Variants in DIP2C observed in about 807,000 individuals in gnomAD.
The protein encoded by DIP2C is DIP2 acetate--CoA ligase C (putative).
Under a neutral mutation model 192.4 loss-of-function variants are expected in DIP2C, and 33 were observed. The ratio of observed to expected loss-of-function variants is 0.17; its 90% CI spans 0.13 to 0.23. The LOEUF (loss-of-function observed/expected upper bound fraction) is 0.23. Ranked by LOEUF, DIP2C falls within the 10% of genes least tolerant of loss-of-function variation. The pLI is 1.00. For missense variants in DIP2C, 1,537 were observed against 2,110.1 expected, an observed-to-expected ratio of 0.73 and a Z score of 5.32; for synonymous variants, 979 against 864.1, an observed-to-expected ratio of 1.13 and a Z score of -2.33.
intron 1 of DIP2C, chr10:650,189 G>GT: frequency 1.4e-6 from 1 of 717,474 alleles, no homozygotes; most frequent in South Asian, 1.5e-5. Context: ...GTCCTGCGGG[G>GT]TGGGTGGTGC....
Position 419,085 on chromosome 10 carries a change from T to G in DIP2C, c.719A>C (p.Glu240Ala). Residue 240 changes from glutamate to alanine, a missense_variant, in exon 6 of 37, where the codon GAG becomes GCG. Coordinates refer to ENST00000280886, the MANE Select transcript of DIP2C (RefSeq NM_014974.3). ...CGTACCATCCCCGGTCTCCATGAGC[T>G]CGGCGTTGCCGTACTTGGGCGCTGT... ...SRTAPKYGNA[E>A]LMETGDGVPV... 6.2e-7 allele frequency: 1 copy of G among 1,614,260 alleles called. No individual in the cohort carries two copies. Among genetic ancestry groups the G allele is most frequent in the Non-Finnish European group, 8.5e-7 (1 of 1,180,050 alleles).
chr10:680,139 G>A (rs1011209289), intron 1 of DIP2C, among the ~76,000 whole-genome samples: 1 of 152,192 alleles, frequency 6.6e-6, no homozygotes, highest in African/African-American at 2.4e-5. Context: ...AGGCACAGAA[G>A]TGCAGCCCAG....
intron 1 of DIP2C, among the ~76,000 whole-genome samples, chr10:552,334 T>C (rs960855268): frequency 1.3e-5 from 2 of 152,222 alleles, no homozygotes; most frequent in Admixed American, 1.3e-4. Context: ...CAGATCGGTC[T>C]ATTTCAGGAA....
At chr10:657,110 C>CCTGCCCCT (rs1564313591) in intron 1 of DIP2C, among the ~76,000 whole-genome samples, 2 of 150,574 alleles carry the variant, frequency 1.3e-5, no homozygotes, top group East Asian at 2.0e-4. Context: ...GACCTGCCCC[C>CCTGCCCCT]GGACCTGCCG....
chr10:342,404 C>T (rs145574710), intron 28 of DIP2C, among the ~76,000 whole-genome samples: 2,134 of 152,270 alleles, frequency 0.014, 53 homozygotes, highest in African/African-American at 0.048. Flanking sequence ...GTGATCCACC[C>T]GCCTCGGCCT....
At chr10:549,279 A>T (rs1330030180) in intron 1 of DIP2C, among the ~76,000 whole-genome samples, 1 of 152,082 alleles carries the variant, frequency 6.6e-6, no homozygotes, top group African/African-American at 2.4e-5. Context: ...ACACCCAGGA[A>T]ATTTAAACCC....
rs537175652 is a variant in DIP2C at position 488,984 on chromosome 10, C to T, written c.86-2454G>A. Among the ~76,000 whole-genome samples the T allele has an allele frequency of 2.6e-5, 4 of 152,206 alleles. No homozygotes were observed. In the South Asian group the frequency reaches 8.3e-4, roughly 32 times the overall value. On this transcript the variant is annotated intron_variant, in intron 1 of 36. Transcript: ENST00000280886. ...AGTGCGCTGAAGACCTGGGCAGACG[C>T]GGGGTGATCATTTACCTGTTCAGTT...
At chr10:572,018 T>TA (rs530064257) in intron 1 of DIP2C, among the ~76,000 whole-genome samples, 349 of 152,300 alleles carry the variant, frequency 2.3e-3, no homozygotes, top group Middle Eastern at 6.8e-3. Context: ...AACATTATAA[T>TA]AAAAAATCAC....
At chr10:396,378 C>G (rs1202500730) in intron 10 of DIP2C, among the ~76,000 whole-genome samples, 1 of 152,146 alleles carries the variant, frequency 6.6e-6, no homozygotes, top group Admixed American at 6.5e-5. Context: ...TCATTTTCCT[C>G]TACAAACCAG....
At chr10:618,408 G>A (rs924852358) in intron 1 of DIP2C, among the ~76,000 whole-genome samples, 1 of 152,178 alleles carries the variant, frequency 6.6e-6, no homozygotes, top group Non-Finnish European at 1.5e-5. Context: ...TGAGCCGGAC[G>A]CCCGCAGGCC....
intron 1 of DIP2C, among the ~76,000 whole-genome samples, chr10:589,003 C>A (rs1361508738): frequency 6.6e-6 from 1 of 152,206 alleles, no homozygotes; most frequent in Non-Finnish European, 1.5e-5. Flanking sequence ...CCACCTGGTG[C>A]TGAAGACCTT....
chr10:404,184 A>C (rs1424102574), intron 9 of DIP2C, among the ~76,000 whole-genome samples: 2 of 150,262 alleles, frequency 1.3e-5, no homozygotes, highest in Non-Finnish European at 2.9e-5. Context: ...GCACATGTGC[A>C]TCATTTTTGC....
intron 17 of DIP2C, among the ~76,000 whole-genome samples, chr10:377,526 A>C (rs1961764577): frequency 6.6e-6 from 1 of 152,172 alleles, no homozygotes; most frequent in Non-Finnish European, 1.5e-5. Context: ...AGAATTGCAA[A>C]ATTTTATCCC....
chr10:689,650 C>T lies in DIP2C; in HGVS notation c.-72G>A, dbSNP rs1222820078. On this transcript the variant is annotated 5_prime_UTR_variant, in exon 1 of 37. Coordinates refer to ENST00000280886, the MANE Select transcript of DIP2C (RefSeq NM_014974.3). This position sits in a 1 kb window ranked among gnomAD's most constrained non-coding sequence, Gnocchi z 6.1. ...CGGAGGTCTCGGCGGCTCCTCGCGC[C>T]CGGCGGAACCGCACCGAGGAGGAGG... The T allele has an allele frequency of 3.0e-6, 3 of 999,360 alleles. No individual in the cohort carries two copies. The highest frequency in any genetic ancestry group is 1.8e-5 in the African/African-American group (1 of 56,998). 61.9% of individuals were successfully genotyped at this position (999,360 alleles called of 1,614,324 possible).
intron 10 of DIP2C, among the ~76,000 whole-genome samples, chr10:392,423 A>C (rs983722123): frequency 1.2e-4 from 18 of 152,168 alleles, no homozygotes; most frequent in Admixed American, 6.5e-5. Context: ...TAATCCCCCA[A>C]ATGATAAAAT....
chr10:510,978 G>T (rs1397421797), intron 1 of DIP2C, among the ~76,000 whole-genome samples: 1 of 152,130 alleles, frequency 6.6e-6, no homozygotes, highest in Non-Finnish European at 1.5e-5. Context: ...ATTTTCTCCT[G>T]AATATTGACC....
intron 1 of DIP2C, among the ~76,000 whole-genome samples, chr10:673,095 C>A (rs1432988026): frequency 2.6e-5 from 4 of 152,128 alleles, no homozygotes; most frequent in African/African-American, 9.7e-5. Flanking sequence ...TGCTGCTCAG[C>A]TGGGAGGGGC....
At chr10:357,718 T>C (rs1401148754) in intron 23 of DIP2C, 110 bp downstream of exon 23, 2 of 772,970 alleles carry the variant, frequency 2.6e-6, no homozygotes, top group Non-Finnish European at 4.2e-6. Context: ...TGTCGCGGAC[T>C]GTCAGGGAAG....
In DIP2C at chr10:483,149, G is replaced by A. The variant is rs540473350; in HGVS notation, c.157+3310C>T. ...GGGAACAGAACCCCCATTGTAGCTC[G>A]TAATTCTGCATCCCAAACAACATCC... On this transcript the variant is annotated intron_variant, in intron 2 of 36. Transcript: ENST00000280886. Among the ~76,000 whole-genome samples the A allele has an allele frequency of 8.5e-5, 13 of 152,284 alleles. No individual in the cohort carries two copies. The East Asian group carries it at 1.5e-3, about 18-fold the overall frequency.
Sources: gnomAD v4.1 joint callset for allele counts (sites outside exome capture counted in the v4.1 genomes callset) on GRCh38, gnomAD v4.1.1 for gene constraint, Gnocchi (gnomAD v3.1) non-coding constraint, MANE v1.5 for transcripts, NCBI Gene and HGNC (gene_info 2026-07-23, HGNC 2026-07-21) for gene names.